The following TSPO variants were observed in gnomAD, a reference collection of about 807,000 sequenced individuals.
TSPO encodes the protein translocator protein, also known as benzodiazepine peripheral binding site.
Under a neutral mutation model 13.9 loss-of-function variants are expected in TSPO, and 14 were observed. That is an observed-to-expected ratio of 1.01 (90% CI 0.67 to 1.58). The LOEUF (loss-of-function observed/expected upper bound fraction) is 1.58. Among genes scored for constraint, TSPO ranks in the 40% most tolerant of loss-of-function variants. The pLI, the probability that TSPO is intolerant of heterozygous loss-of-function variation, is 0.00. For missense variants in TSPO, 232 were observed against 229.6 expected (o/e 1.01, Z -0.07); for synonymous variants, 114 against 105.9 (o/e 1.08, Z -0.47).
At chr22:43,162,002 G>C (rs1931455955) in intron 3 of TSPO, among the ~76,000 whole-genome samples, 1 of 152,090 alleles carries the variant, frequency 6.6e-6, no homozygotes, top group East Asian at 1.9e-4. Context: ...CCAGGCTGGA[G>C]TGCAGTGGCA....
intron 1 of TSPO, among the ~76,000 whole-genome samples, chr22:43,158,223 A>G (rs1002574353): frequency 3.6e-4 from 54 of 152,084 alleles, no homozygotes; most frequent in Admixed American, 3.4e-3. Flanking sequence ...AGTGCTCAGT[A>G]TTCTTCCTGT....
At position 43,159,236 on chromosome 22, in the gene TSPO, GCCATGGCCCCGCC is replaced by G. The variant is rs1931350638; in HGVS notation, c.-1_12del. The G allele has an allele frequency of 2.6e-6, 4 of 1,543,322 alleles. No individual in the cohort carries two copies. Among genetic ancestry groups the G allele is most frequent in the Non-Finnish European group, 3.5e-6 (4 of 1,143,958 alleles). ...GCTCCCCTGAACAGCAGCTGCAGCA[GCCATGGCCCCGCC>G]CTGGGTGCCCGCCATGGGCTTCACG... On this transcript the variant is annotated start_lost and 5_prime_UTR_variant, in exon 2 of 4. Transcript: ENST00000337554.
intron 1 of TSPO, among the ~76,000 whole-genome samples, chr22:43,155,749 G>A (rs781166269): frequency 2.0e-5 from 3 of 152,200 alleles, no homozygotes; most frequent in Non-Finnish European, 4.4e-5. Context: ...CAGAGCCGAG[G>A]TCTGGATCCC....
At chr22:43,155,697 CGTT>C (rs1569478889) in intron 1 of TSPO, among the ~76,000 whole-genome samples, 1 of 152,100 alleles carries the variant, frequency 6.6e-6, no homozygotes, top group African/African-American at 2.4e-5. Context: ...ACCCACCTGA[CGTT>C]GGAGGAAGCC....
chr22:43,158,014 G>A (rs1330848106), intron 1 of TSPO, among the ~76,000 whole-genome samples: 1 of 152,184 alleles, frequency 6.6e-6, no homozygotes, highest in Non-Finnish European at 1.5e-5. Context: ...GCTGGGCACT[G>A]AGGTTGCTTC....
In TSPO at chr22:43,162,935, T is replaced by C; in HGVS notation, c.454T>C (p.Tyr152His). ...GCTGGCCTTCACGACCACACTCAAC[T>C]ACTGCGTATGGCGGGACAACCATGG... is the stretch of plus-strand genomic sequence containing the variant. ...AWLAFTTTLN[Y>H]CVWRDNHGWR... Residue 152 changes from tyrosine (Y) to histidine (H), a missense_variant, in exon 4 of 4, where the codon TAC becomes CAC. Physicochemically the swap from Tyr to His is moderately conservative, Grantham distance 83. Transcript: ENST00000337554. 2 of 1,599,850 alleles carry C rather than the reference T, an allele frequency of 1.3e-6. No individual in the cohort carries two copies. The highest frequency in any genetic ancestry group is 1.7e-6 in the Non-Finnish European group (2 of 1,173,544).
intron 1 of TSPO, among the ~76,000 whole-genome samples, chr22:43,156,716 A>C (rs1931261339): frequency 6.6e-6 from 1 of 152,232 alleles, no homozygotes; most frequent in Non-Finnish European, 1.5e-5. Context: ...TCACGCCTGC[A>C]CTGGGGGTTT....
At chr22:43,159,100 G>A in intron 1 of TSPO, 110 bp from the exon 2 acceptor site, 2 of 860,346 alleles carry the variant, frequency 2.3e-6, no homozygotes, top group Non-Finnish European at 3.3e-6. Flanking sequence ...CTCCTGATCA[G>A]CTGACTGGTT....
rs764229144 is a variant in TSPO, at chr22:43,159,243, C to T, written c.5C>T (p.Ala2Val). The T allele has an allele frequency of 1.9e-6, 3 of 1,551,336 alleles. No individual in the cohort carries two copies. The highest frequency in any genetic ancestry group is 1.7e-6 in the Non-Finnish European group (2 of 1,148,516). The change falls in exon 2 of 4, where the codon GCC becomes GTC. Residue 2 changes from alanine (A) to valine (V), a missense_variant. Transcript: ENST00000337554. M[A>V]PPWVPAMGFT... ...TGAACAGCAGCTGCAGCAGCCATGG[C>T]CCCGCCCTGGGTGCCCGCCATGGGC...
chr22:43,155,201 G>A (rs977480899), intron 1 of TSPO, among the ~76,000 whole-genome samples: 5 of 152,162 alleles, frequency 3.3e-5, no homozygotes, highest in African/African-American at 7.2e-5. Context: ...TGGAAAATGG[G>A]ACCAGTCACG....
rs145903125 is a variant in TSPO at position 43,162,728 on chromosome 22, T to C, written c.322-75T>C. On this transcript the variant is annotated intron_variant, in intron 3 of 3. Coordinates refer to ENST00000337554, the MANE Select transcript of TSPO (RefSeq NM_000714.6). Reference sequence around the variant, plus strand: ...TCCTGACTCCCAAATCCAGTGGGAGTTGGGCAGTGGGACAGGCACTTGGGT... The same window carrying C: ...TCCTGACTCCCAAATCCAGTGGGAGCTGGGCAGTGGGACAGGCACTTGGGT... The C allele has an allele frequency of 1.5e-4, 212 of 1,406,926 alleles. 1 individual carries two copies. In the East Asian group the frequency reaches 5.2e-3, roughly 35 times the overall value. The allele number at this position is 1,406,926 out of a possible 1,614,324, so 87.2% of individuals were successfully genotyped here.
chr22:43,163,013 G>A lies in TSPO; in HGVS notation c.*22G>A, dbSNP rs756260407. The A allele has an allele frequency of 2.9e-5, 46 of 1,577,602 alleles. No homozygotes were observed. The highest frequency in any genetic ancestry group is 3.9e-5 in the Non-Finnish European group (45 of 1,162,188). ...GTGAGTGCCCGGCCCACCAGGGACTGCAGCTGCACCAGCAGGTGCCATCAC... is the reference window on the plus strand; with the variant it reads ...GTGAGTGCCCGGCCCACCAGGGACTACAGCTGCACCAGCAGGTGCCATCAC... On this transcript the variant is annotated 3_prime_UTR_variant, in exon 4 of 4. Coordinates refer to ENST00000337554, the MANE Select transcript of TSPO (RefSeq NM_000714.6).
intron 1 of TSPO, among the ~76,000 whole-genome samples, chr22:43,158,371 G>C (rs546485652): frequency 6.6e-6 from 1 of 152,310 alleles, no homozygotes; most frequent in South Asian, 2.1e-4. Context: ...AGGCCTTGCT[G>C]CAAGTTGGCA....
intron 1 of TSPO, 169 bp downstream of exon 1, chr22:43,151,773 G>C (rs1449170159): frequency 6.6e-6 from 1 of 152,288 alleles, no homozygotes; most frequent in Non-Finnish European, 1.5e-5. Context: ...GTCAGGGGGC[G>C]GCGGGCAGCA....
rs542067947 is a variant in TSPO at position 43,162,789 on chromosome 22, C to T, written c.322-14C>T. ...CCTCAGGCCTCCCCATCCTCCGTCC[C>T]CCAATCTCTGCAGGCCTTGGTGGAT... On this transcript the variant is annotated splice_polypyrimidine_tract_variant and intron_variant, in intron 3 of 3. Coordinates refer to ENST00000337554, the MANE Select transcript of TSPO (RefSeq NM_000714.6). 11 of 1,550,428 alleles carry T rather than the reference C, an allele frequency of 7.1e-6. No homozygotes were observed. The South Asian group carries it at 1.3e-4, about 19-fold the overall frequency.
intron 1 of TSPO, among the ~76,000 whole-genome samples, chr22:43,157,024 C>T (rs1569479207): frequency 6.6e-6 from 1 of 152,142 alleles, no homozygotes; most frequent in Non-Finnish European, 1.5e-5. Context: ...AGCAGAGCAG[C>T]GGTTATGTCT....
intron 1 of TSPO, 133 bp from the exon 2 acceptor site, chr22:43,159,077 C>T: frequency 1.5e-6 from 1 of 678,204 alleles, no homozygotes; most frequent in Non-Finnish European, 2.3e-6. Flanking sequence ...TCCCACCCCG[C>T]ACATCTCTGC....
At chr22:43,160,528 T>C (rs1931402059) in intron 2 of TSPO, among the ~76,000 whole-genome samples, 1 of 152,186 alleles carries the variant, frequency 6.6e-6, no homozygotes, top group African/African-American at 2.4e-5. Context: ...CTGGAGGGCA[T>C]CGGCTGCTGT....
At chr22:43,158,193 T>G (rs1283500107) in intron 1 of TSPO, among the ~76,000 whole-genome samples, 1 of 152,212 alleles carries the variant, frequency 6.6e-6, no homozygotes, top group Non-Finnish European at 1.5e-5. Context: ...TGCTTGTCTC[T>G]CGTGTTCCCC....
Sources: allele counts gnomAD v4.1 joint callset (sites outside exome capture counted in the v4.1 genomes callset), GRCh38; gene constraint gnomAD v4.1.1; transcripts MANE v1.5; gene names NCBI Gene and HGNC (gene_info 2026-07-23, HGNC 2026-07-21).